Variants in SCOC observed in about 807,000 individuals in gnomAD.
The protein encoded by SCOC is short coiled coil protein.
Under a neutral mutation model 9.9 loss-of-function variants are expected in SCOC, and 7 were observed. The observed-to-expected ratio is 0.71, with a 90% CI of 0.40 to 1.33. The LOEUF (loss-of-function observed/expected upper bound fraction) is 1.33. SCOC is among the 40% of genes most tolerant of loss of function. SCOC has a pLI of 0.01. For missense variants in SCOC, 66 were observed against 89.7 expected (o/e 0.74, Z 1.07); for synonymous variants, 19 against 28.2 (o/e 0.67, Z 1.03).
At chr4:140,342,864 C>T (rs1726559076), upstream of SCOC, among the ~76,000 whole-genome samples, 3 of 152,298 alleles carry the variant, frequency 2.0e-5, no homozygotes, top group East Asian at 5.8e-4. Flanking sequence ...TTGGGCTCAA[C>T]TCCAGAAACA....
chr4:140,366,675 G>A (rs1578868527), intron 2 of SCOC: 2 of 1,599,230 alleles, frequency 1.3e-6, no homozygotes, highest in East Asian at 4.5e-5. Flanking sequence ...GTGGAAACTT[G>A]AGGTTGAAAT....
chr4:140,299,839 C>T (rs534178896), intron 1 of SCOC, among the ~76,000 whole-genome samples: 3 of 152,178 alleles, frequency 2.0e-5, no homozygotes, highest in African/African-American at 7.2e-5. Flanking sequence ...CTTAGCACAA[C>T]GATGCTTATT....
intron 1 of SCOC, chr4:140,285,368 G>A (rs1423149226): frequency 4.5e-6 from 2 of 442,466 alleles, no homozygotes; most frequent in African/African-American, 4.0e-5. Flanking sequence ...AATACCAGAT[G>A]ACTGAACTAA....
At chr4:140,337,832 G>C (rs944426570) in intron 1 of SCOC, among the ~76,000 whole-genome samples, 1 of 152,076 alleles carries the variant, frequency 6.6e-6, no homozygotes, top group Non-Finnish European at 1.5e-5. Context: ...AAAAAGTCCG[G>C]GACCAGACGG....
chr4:140,331,700 A>G (rs1732819182), intron 1 of SCOC, among the ~76,000 whole-genome samples: 1 of 152,120 alleles, frequency 6.6e-6, no homozygotes, highest in African/African-American at 2.4e-5. Context: ...GCTACAAGGC[A>G]TCTGTCCTGT....
At chr4:140,259,328 A>G (rs765991349) in intron 1 of SCOC, among the ~76,000 whole-genome samples, 1 of 151,938 alleles carries the variant, frequency 6.6e-6, no homozygotes, top group African/African-American at 2.4e-5. Flanking sequence ...TTTCGTTCCT[A>G]CTGTGCTCCA....
chr4:140,266,812 A>G (rs1189727033), intron 1 of SCOC, among the ~76,000 whole-genome samples: 2 of 152,178 alleles, frequency 1.3e-5, no homozygotes, highest in African/African-American at 4.8e-5. Context: ...AGAAAATAAA[A>G]AGGGAGGAAG....
intron 1 of SCOC, among the ~76,000 whole-genome samples, chr4:140,305,919 T>A (rs1731966598): frequency 6.6e-6 from 1 of 152,196 alleles, no homozygotes; most frequent in Admixed American, 6.5e-5. Context: ...AAAATTCACC[T>A]TTTCTCCCTT....
chr4:140,318,165 G>A (rs34378674), intron 1 of SCOC, among the ~76,000 whole-genome samples: 3,741 of 148,572 alleles, frequency 0.025, 90 homozygotes, highest in South Asian at 0.086. Flanking sequence ...GGACATAGGC[G>A]TGGGCAAGGA....
chr4:140,283,281 A>G (rs1411112470), intron 1 of SCOC, among the ~76,000 whole-genome samples: 1 of 152,238 alleles, frequency 6.6e-6, no homozygotes, highest in Non-Finnish European at 1.5e-5. Flanking sequence ...AAGCAAGAAG[A>G]GACCAGCTGC....
intron 2 of SCOC, among the ~76,000 whole-genome samples, chr4:140,352,799 C>T (rs1394919084): frequency 2.0e-5 from 3 of 152,050 alleles, no homozygotes; most frequent in African/African-American, 4.8e-5. Context: ...GTTTTTTCTA[C>T]GTCATTAGAA....
At chr4:140,380,419 C>CA (rs755489581) in intron 3 of SCOC, among the ~76,000 whole-genome samples, 2 of 151,828 alleles carry the variant, frequency 1.3e-5, no homozygotes, top group Non-Finnish European at 2.9e-5. Flanking sequence ...AGGCTGGTCT[C>CA]AAACTCCTGA....
chr4:140,289,978 A>G (rs1057303690), intron 1 of SCOC, among the ~76,000 whole-genome samples: 1 of 152,230 alleles, frequency 6.6e-6, no homozygotes, highest in Non-Finnish European at 1.5e-5. Flanking sequence ...GCTTAATGCT[A>G]TATGTCCATT....
intron 1 of SCOC, among the ~76,000 whole-genome samples, chr4:140,327,941 C>T (rs1318394784): frequency 6.6e-6 from 1 of 151,992 alleles, no homozygotes; most frequent in Non-Finnish European, 1.5e-5. Flanking sequence ...ACAAGATATT[C>T]AAAGATCTCC....
At chr4:140,306,554 G>C (rs1731993657) in intron 1 of SCOC, among the ~76,000 whole-genome samples, 1 of 152,176 alleles carries the variant, frequency 6.6e-6, no homozygotes, top group South Asian at 2.1e-4. Context: ...GCAAGAACTA[G>C]AGGTATCAAG....
chr4:140,362,401 T>C (rs559418807), intron 2 of SCOC, among the ~76,000 whole-genome samples: 2 of 143,090 alleles, frequency 1.4e-5, no homozygotes, highest in East Asian at 4.1e-4. Context: ...GTTCAAGCGA[T>C]TCTCCTGCCT....
intron 1 of SCOC, 155 bp downstream of exon 1, chr4:140,373,872 C>T: frequency 1.2e-6 from 1 of 825,364 alleles, no homozygotes; most frequent in African/African-American, 1.7e-5. Context: ...ATTTGGTGGG[C>T]GGCGGAGGCC....
At chr4:140,264,394 A>T (rs984957465) in intron 1 of SCOC, among the ~76,000 whole-genome samples, 1 of 152,068 alleles carries the variant, frequency 6.6e-6, no homozygotes, top group East Asian at 1.9e-4. Context: ...AAGTTACTTT[A>T]CCTCTTTGTG....
chr4:140,343,640 T>A, exon 2 of SCOC: 6 of 1,613,244 alleles, frequency 3.7e-6, no homozygotes, highest in Non-Finnish European at 4.2e-6. Flanking sequence ...TTGAACAAGA[T>A]GGACGGGTCC....
Sources: gnomAD v4.1 joint callset for allele counts (sites outside exome capture counted in the v4.1 genomes callset) on GRCh38, gnomAD v4.1.1 for gene constraint, MANE v1.5 for transcripts, NCBI Gene and HGNC (gene_info 2026-07-23, HGNC 2026-07-21) for gene names.